EGLN1: variants seen among roughly 807,000 people sequenced by gnomAD.
EGLN1 encodes egl-9 family hypoxia inducible factor 1.
A neutral mutation model predicts 38.3 loss-of-function variants in EGLN1; 17 were observed. That is an observed-to-expected ratio of 0.44 (90% CI 0.30 to 0.67). The LOEUF is 0.67. EGLN1 is among the 30% of genes least tolerant of loss of function. The pLI, the probability that EGLN1 is intolerant of heterozygous loss-of-function variation, is 0.08. For synonymous variants in EGLN1, 283 were observed against 257.5 expected, an observed-to-expected ratio of 1.10 and a Z score of -0.95; for missense variants, 477 against 603.3, an observed-to-expected ratio of 0.79 and a Z score of 2.19.
intron 1 of EGLN1, among the ~76,000 whole-genome samples, chr1:231,395,154 T>C (rs1303196031): frequency 6.6e-6 from 1 of 152,208 alleles, no homozygotes; most frequent in East Asian, 1.9e-4. Flanking sequence ...TGCTTCTTTA[T>C]CAGCTGCTCC....
chr1:231,380,468 A>ATG (rs1688057266), intron 1 of EGLN1, among the ~76,000 whole-genome samples: 1 of 149,412 alleles, frequency 6.7e-6, no homozygotes, highest in Non-Finnish European at 1.5e-5. Flanking sequence ...TGATAGGTAT[A>ATG]TATATATTTT....
At chr1:231,371,635 A>G (rs763439436) in intron 2 of EGLN1, among the ~76,000 whole-genome samples, 2 of 152,154 alleles carry the variant, frequency 1.3e-5, no homozygotes, top group Non-Finnish European at 2.9e-5. Flanking sequence ...TTATTTACCT[A>G]AACACCAACT....
intron 4 of EGLN1, 108 bp downstream of exon 4, chr1:231,367,461 A>G (rs1484982696): frequency 1.8e-6 from 2 of 1,119,860 alleles, no homozygotes; most frequent in Non-Finnish European, 2.7e-6. Context: ...AAAAACAAAA[A>G]GTAAGTATTC....
chr1:231,368,299 A>C (rs1419899214), intron 3 of EGLN1, among the ~76,000 whole-genome samples: 2 of 152,222 alleles, frequency 1.3e-5, no homozygotes, highest in Non-Finnish European at 2.9e-5. Context: ...AAAAGGACTC[A>C]GGGCATTGCA....
At position 231,366,387 on chromosome 1, in the gene EGLN1, T is replaced by C; in HGVS notation, c.*24A>G. On this transcript the variant is annotated 3_prime_UTR_variant, in exon 5 of 5. Transcript: ENST00000366641. ...ATAGTTAACAATATTGTAGGTGAAG[T>C]GGGGTATTGCTGGATCAAAGGCTCT... 6.2e-7 allele frequency: 1 copy of C among 1,610,754 alleles called. No individual in the cohort carries two copies. The highest frequency in any genetic ancestry group is 8.5e-7 in the Non-Finnish European group (1 of 1,177,248).
In EGLN1 at chr1:231,365,696, A is replaced by C. The variant is rs1434377028; in HGVS notation, c.*715T>G. 2 of 152,370 alleles carry C rather than the reference A, an allele frequency of 1.3e-5. No homozygotes were observed. Among genetic ancestry groups the C allele is most frequent in the African/African-American group, 4.8e-5 (2 of 41,458 alleles). The allele number at this position is 152,370 out of a possible 1,614,324, so 9.4% of individuals were successfully genotyped here. The stretch of plus-strand genomic sequence containing the variant: ...TCTTGTGTCTTTTTCCTTGTAAAAC[A>C]TTAACTAAAAGTTATTGGTAGTAAA... On this transcript the variant is annotated 3_prime_UTR_variant, in exon 5 of 5. Coordinates refer to ENST00000366641, the MANE Select transcript of EGLN1 (RefSeq NM_022051.3).
chr1:231,391,091 TTTGTGTGTGTGTGTG>T (rs1688364073), intron 1 of EGLN1, among the ~76,000 whole-genome samples: 1 of 41,384 alleles, frequency 2.4e-5, no homozygotes, highest in African/African-American at 5.8e-5. Flanking sequence ...CTGTTTTTTT[TTTGTGTGTGTGTGTG>T]TGTGTGTGTG....
intron 1 of EGLN1, among the ~76,000 whole-genome samples, chr1:231,418,778 C>T (rs1229068415): frequency 6.6e-6 from 1 of 151,082 alleles, no homozygotes; most frequent in Non-Finnish European, 1.5e-5. Flanking sequence ...GGCAGGATAG[C>T]TTGAGTCCAG....
intron 2 of EGLN1, among the ~76,000 whole-genome samples, chr1:231,372,810 G>C (rs993293688): frequency 6.6e-6 from 1 of 152,104 alleles, no homozygotes; most frequent in African/African-American, 2.4e-5. Context: ...ACACTTTTTA[G>C]GGCAGGATTA....
At chr1:231,416,515 G>A (rs1231898641) in intron 1 of EGLN1, among the ~76,000 whole-genome samples, 2 of 149,246 alleles carry the variant, frequency 1.3e-5, no homozygotes, top group East Asian at 2.0e-4. Flanking sequence ...CCATGGGCTC[G>A]CACCACCATG....
At chr1:231,397,041 A>C (rs772814996) in intron 1 of EGLN1, among the ~76,000 whole-genome samples, 14 of 152,198 alleles carry the variant, frequency 9.2e-5, no homozygotes, top group Non-Finnish European at 1.8e-4. Context: ...GCCCTTCTCC[A>C]AACTATTCTC....
At chr1:231,411,785 T>G (rs1177458566) in intron 1 of EGLN1, among the ~76,000 whole-genome samples, 1 of 151,174 alleles carries the variant, frequency 6.6e-6, no homozygotes, top group African/African-American at 2.4e-5. Context: ...GATCACGAGG[T>G]CAGGAGTTCA....
At position 231,421,191 on chromosome 1, in the gene EGLN1, C is replaced by T; in HGVS notation, c.698G>A (p.Gly233Glu). ...GDEVRALHDT[G>E]KFTDGQLVSQ... The stretch of plus-strand genomic sequence containing the variant: ...GACCAGCTGCCCGTCCGTGAACTTC[C>T]CGGTGTCGTGCAGGGCGCGCACCTC... The change falls in exon 1 of 5, where the codon GGG becomes GAG. Residue 233 changes from glycine (G) to glutamate (E), a missense_variant. By Grantham distance (98) the Gly-to-Glu change is moderately conservative. Transcript: ENST00000366641. This position sits in a 1 kb window ranked among gnomAD's most constrained non-coding sequence, Gnocchi z 5.5. The T allele has an allele frequency of 1.2e-6, 2 of 1,614,170 alleles. No individual in the cohort carries two copies. The highest frequency in any genetic ancestry group is 1.7e-6 in the Non-Finnish European group (2 of 1,180,038).
At chr1:231,394,229 ACAC>A (rs1264203802) in intron 1 of EGLN1, among the ~76,000 whole-genome samples, 1 of 152,200 alleles carries the variant, frequency 6.6e-6, no homozygotes, top group Admixed American at 6.5e-5. Flanking sequence ...ATGCAGATTG[ACAC>A]CACTAAAAGT....
At chr1:231,416,363 T>C (rs1689082515) in intron 1 of EGLN1, among the ~76,000 whole-genome samples, 5 of 151,832 alleles carry the variant, frequency 3.3e-5, no homozygotes, top group Admixed American at 2.6e-4. Context: ...TCCACGTAAT[T>C]AAGGATTTGT....
At chr1:231,394,194 A>G (rs1328316620) in intron 1 of EGLN1, among the ~76,000 whole-genome samples, 1 of 152,186 alleles carries the variant, frequency 6.6e-6, no homozygotes, top group African/African-American at 2.4e-5. Flanking sequence ...CCAAGCTACT[A>G]GCACCACTGG....
intron 1 of EGLN1, among the ~76,000 whole-genome samples, chr1:231,390,729 G>T (rs73119665): frequency 0.012 from 1,855 of 152,296 alleles, 44 homozygotes; most frequent in African/African-American, 0.042. Context: ...TGCTAATACC[G>T]TTTTGAGGAA....
At chr1:231,374,347 G>A (rs1687903061) in intron 1 of EGLN1, among the ~76,000 whole-genome samples, 1 of 152,098 alleles carries the variant, frequency 6.6e-6, no homozygotes, top group Non-Finnish European at 1.5e-5. Flanking sequence ...AAATTTCTTG[G>A]TCCTACTTTG....
At chr1:231,414,588 T>A (rs1689028877) in intron 1 of EGLN1, among the ~76,000 whole-genome samples, 1 of 151,972 alleles carries the variant, frequency 6.6e-6, no homozygotes. Flanking sequence ...GAAAATTAGG[T>A]AGGAGAAAAA....
Sources: allele counts gnomAD v4.1 joint callset (sites outside exome capture counted in the v4.1 genomes callset), GRCh38; gene constraint gnomAD v4.1.1; non-coding constraint Gnocchi (gnomAD v3.1); transcripts MANE v1.5; gene names NCBI Gene and HGNC (gene_info 2026-07-23, HGNC 2026-07-21).